The following SLC26A8 variants were observed in gnomAD, a reference collection of about 807,000 sequenced individuals.
SLC26A8 encodes testis anion transporter 1.
In SLC26A8, 70 loss-of-function variants were observed where a neutral mutation model predicts 105.0. The ratio of observed to expected loss-of-function variants is 0.67; its 90% CI spans 0.55 to 0.81. The LOEUF is 0.81. SLC26A8 is among the 40% of genes least tolerant of loss of function. The pLI, the probability that SLC26A8 is intolerant of heterozygous loss-of-function variation, is 0.00. For synonymous variants in SLC26A8, 415 were observed against 438.3 expected, an observed-to-expected ratio of 0.95 and a Z score of 0.66; for missense variants, 998 against 1,181.8, an observed-to-expected ratio of 0.84 and a Z score of 2.28.
chr6:36,002,329 C>G (rs982494615), intron 3 of SLC26A8, among the ~76,000 whole-genome samples: 2 of 152,236 alleles, frequency 1.3e-5, no homozygotes, highest in African/African-American at 4.8e-5. Flanking sequence ...AACAATATTG[C>G]TATGAATATT....
At chr6:36,000,257 AG>A in intron 3 of SLC26A8, 149 bp from the exon 4 acceptor site, 2 of 604,468 alleles carry the variant, frequency 3.3e-6, no homozygotes, top group Non-Finnish European at 5.9e-6. Flanking sequence ...ATCCTTCATT[AG>A]CACTTTTTAT....
intron 8 of SLC26A8, 88 bp downstream of exon 8, chr6:35,982,033 G>A: frequency 7.2e-7 from 1 of 1,379,794 alleles, no homozygotes; most frequent in Non-Finnish European, 1.0e-6. Flanking sequence ...GAGACTGCTA[G>A]TAGAAAATAT....
chr6:35,976,665 C>T (rs950615837), intron 9 of SLC26A8, among the ~76,000 whole-genome samples: 2 of 151,120 alleles, frequency 1.3e-5, no homozygotes, highest in African/African-American at 2.4e-5. Flanking sequence ...CTCTGCCTCC[C>T]GAGTAGCTGG....
chr6:35,959,903 CT>C, intron 14 of SLC26A8, 97 bp from the exon 15 acceptor site: 1 of 991,908 alleles, frequency 1.0e-6, no homozygotes, highest in Non-Finnish European at 1.5e-6. Flanking sequence ...CTGTATTCTT[CT>C]TTTTTATTTT....
At chr6:35,974,850 C>T (rs1343111541) in intron 10 of SLC26A8, among the ~76,000 whole-genome samples, 9 of 152,048 alleles carry the variant, frequency 5.9e-5, no homozygotes, top group South Asian at 2.1e-4. Flanking sequence ...GATTCTCCTG[C>T]GTCAGCCTCC....
chr6:36,010,389 A>T (rs1761819618), intron 3 of SLC26A8, among the ~76,000 whole-genome samples: 1 of 152,144 alleles, frequency 6.6e-6, no homozygotes, highest in African/African-American at 2.4e-5. Context: ...AGACAGAATT[A>T]TGGTGCTGGA....
chr6:35,968,611 ATATATATATATATAT>A (rs1772636173), intron 11 of SLC26A8, among the ~76,000 whole-genome samples: 38 of 44,114 alleles, frequency 8.6e-4, no homozygotes, highest in South Asian at 2.4e-3. Context: ...GTGTGTGTGT[ATATATATATATATAT>A]ATATATATAT....
chr6:35,974,204 G>A (rs1323400929), intron 10 of SLC26A8, among the ~76,000 whole-genome samples: 1 of 152,192 alleles, frequency 6.6e-6, no homozygotes, highest in Admixed American at 6.5e-5. Flanking sequence ...TGTAATCCCA[G>A]CTACTCGGGA....
At chr6:35,971,884 C>T (rs1376860665) in intron 10 of SLC26A8, among the ~76,000 whole-genome samples, 1 of 152,230 alleles carries the variant, frequency 6.6e-6, no homozygotes, top group Non-Finnish European at 1.5e-5. Context: ...GAAACCTAAT[C>T]TTGGAGAACA....
chr6:35,959,317 C>A, intron 16 of SLC26A8, 143 bp downstream of exon 16: 1 of 921,400 alleles, frequency 1.1e-6, no homozygotes, highest in Non-Finnish European at 1.5e-6. Context: ...TGAGAGGAAC[C>A]TTGTATCTTA....
In SLC26A8 at chr6:35,943,625, G is replaced by A. The variant is rs141475901; in HGVS notation, c.*275C>T. On this transcript the variant is annotated 3_prime_UTR_variant, in exon 20 of 20. Transcript: ENST00000490799. ...GGCACAAAGCCCAGAGATGTGGGGT[G>A]TGTGAAGAAGGAAATTCATGACTAG... 78 of 408,864 alleles carry A rather than the reference G, an allele frequency of 1.9e-4. No individual in the cohort carries two copies. The highest frequency in any genetic ancestry group is 1.1e-3 in the African/African-American group (58 of 50,462). The allele number at this position is 408,864 out of a possible 1,614,324, so 25.3% of individuals were successfully genotyped here. A position where few individuals can be genotyped will look rare whatever the true frequency, so the allele number is the denominator to read the frequency against.
At chr6:35,957,536 C>T (rs1417604563) in intron 16 of SLC26A8, among the ~76,000 whole-genome samples, 2 of 151,072 alleles carry the variant, frequency 1.3e-5, no homozygotes, top group African/African-American at 2.4e-5. Flanking sequence ...ATTTGGGGAA[C>T]AGGCCAGGGT....
chr6:36,003,561 C>T (rs1761587984), intron 3 of SLC26A8, among the ~76,000 whole-genome samples: 1 of 152,080 alleles, frequency 6.6e-6, no homozygotes, highest in Admixed American at 6.6e-5. Context: ...AAAACAAACA[C>T]TTACGTAAGT....
chr6:35,945,078 G>C (rs1367739685), intron 19 of SLC26A8, among the ~76,000 whole-genome samples: 4 of 152,166 alleles, frequency 2.6e-5, no homozygotes, highest in African/African-American at 9.7e-5. Context: ...TCAAACTCCT[G>C]AGCTCAAGTG....
At chr6:35,975,001 A>C (rs1469286361) in intron 10 of SLC26A8, among the ~76,000 whole-genome samples, 4 of 150,148 alleles carry the variant, frequency 2.7e-5, no homozygotes, top group South Asian at 2.1e-4. Context: ...CAAGTGATCC[A>C]CCCACTTCGG....
At chr6:35,945,347 G>C (rs117903426) in intron 19 of SLC26A8, among the ~76,000 whole-genome samples, 1 of 152,108 alleles carries the variant, frequency 6.6e-6, no homozygotes, top group Admixed American at 6.5e-5. Flanking sequence ...ATTTAAAACA[G>C]CAATGGACTT....
At chr6:35,999,575 C>T (rs60162213) in intron 4 of SLC26A8, among the ~76,000 whole-genome samples, 3 of 152,196 alleles carry the variant, frequency 2.0e-5, no homozygotes, top group Non-Finnish European at 2.9e-5. Flanking sequence ...ACTGTGATAA[C>T]ATTTTCTCAC....
intron 16 of SLC26A8, 88 bp from the exon 17 acceptor site, chr6:35,955,608 A>C: frequency 1.3e-6 from 2 of 1,504,064 alleles, no homozygotes; most frequent in South Asian, 2.5e-5. Flanking sequence ...TGTCTCTGCC[A>C]GCTCATGTCC....
intron 15 of SLC26A8, 37 bp from the exon 16 acceptor site, chr6:35,959,628 G>A: frequency 2.5e-6 from 4 of 1,609,056 alleles, no homozygotes; most frequent in Non-Finnish European, 2.5e-6. Context: ...GAGGAAGAAT[G>A]GTGGAACAGA....
Sources: gnomAD v4.1 joint callset for allele counts (sites outside exome capture counted in the v4.1 genomes callset) on GRCh38, gnomAD v4.1.1 for gene constraint, MANE v1.5 for transcripts, NCBI Gene and HGNC (gene_info 2026-07-23, HGNC 2026-07-21) for gene names.